Variants in KIF3B observed in about 807,000 individuals in gnomAD.
KIF3B encodes kinesin-like protein KIF3B.
A neutral mutation model predicts 74.3 loss-of-function variants in KIF3B; 38 were observed. That is an observed-to-expected ratio of 0.51 (90% CI 0.39 to 0.67). The LOEUF (loss-of-function observed/expected upper bound fraction) is 0.67, where lower values mean the gene tolerates loss of function less well. Among genes scored for constraint, KIF3B ranks in the 30% least tolerant of loss-of-function variants. The pLI, the probability that KIF3B is intolerant of heterozygous loss-of-function variation, is 0.00. For missense variants in KIF3B, 649 were observed against 932.0 expected, an observed-to-expected ratio of 0.70 and a Z score of 3.95; for synonymous variants, 326 against 342.5, an observed-to-expected ratio of 0.95 and a Z score of 0.53.
chr20:32,303,066 ATTC>A lies in KIF3B; in HGVS notation c.-65-6640_-65-6638del, dbSNP rs546506777. On this transcript the variant is annotated intron_variant, in intron 1 of 8. Transcript: ENST00000375712. Reference sequence around the variant, plus strand: ...TTTATGTGTGGTGTGGCTCAAGACAATTCTTCTTCCAGTGTGGCCCAAGGAAGC... The same window carrying A: ...TTTATGTGTGGTGTGGCTCAAGACAATTCTTCCAGTGTGGCCCAAGGAAGC... 1.5e-4 allele frequency among the ~76,000 whole-genome samples: 23 copies of A among 152,228 alleles called. No individual in the cohort carries two copies. The East Asian group carries it at 4.2e-3, about 28-fold the overall frequency.
At chr20:32,318,406 A>G (rs778802001) in intron 5 of KIF3B, among the ~76,000 whole-genome samples, 3 of 152,222 alleles carry the variant, frequency 2.0e-5, no homozygotes, top group Non-Finnish European at 4.4e-5. Flanking sequence ...CTAATTTTAG[A>G]ACATTTTTAT....
At chr20:32,321,248 GT>G (rs1012887396) in intron 5 of KIF3B, among the ~76,000 whole-genome samples, 10 of 152,050 alleles carry the variant, frequency 6.6e-5, no homozygotes, top group African/African-American at 2.2e-4. Context: ...GGCCAATATG[GT>G]GAAACCCTGT....
chr20:32,323,100 ATT>A (rs1336159168), intron 5 of KIF3B, among the ~76,000 whole-genome samples: 3 of 101,598 alleles, frequency 3.0e-5, no homozygotes, highest in African/African-American at 1.1e-4. Context: ...ATATTTATAT[ATT>A]TATATATATT....
chr20:32,307,284 A>T (rs2047776247), intron 1 of KIF3B, among the ~76,000 whole-genome samples: 2 of 152,166 alleles, frequency 1.3e-5, no homozygotes. Flanking sequence ...TCCATTTTTC[A>T]CACTATGTAA....
At chr20:32,278,860 C>T (rs923396838) in intron 1 of KIF3B, among the ~76,000 whole-genome samples, 3 of 150,422 alleles carry the variant, frequency 2.0e-5, no homozygotes, top group Non-Finnish European at 3.0e-5. Context: ...ATGTCATCCT[C>T]ATTTTGCCGA....
chr20:32,321,837 T>C (rs1054864464), intron 5 of KIF3B, among the ~76,000 whole-genome samples: 2 of 152,222 alleles, frequency 1.3e-5, no homozygotes, highest in African/African-American at 2.4e-5. Context: ...TCTTAAAGTC[T>C]ATACTTTTTG....
At chr20:32,304,430 A>T (rs947368106) in intron 1 of KIF3B, among the ~76,000 whole-genome samples, 1 of 152,204 alleles carries the variant, frequency 6.6e-6, no homozygotes, top group Non-Finnish European at 1.5e-5. Flanking sequence ...ATATCCTTTG[A>T]TTCAGCAATT....
intron 1 of KIF3B, among the ~76,000 whole-genome samples, chr20:32,283,919 C>CACAGCACCT (rs2047655590): frequency 6.6e-6 from 1 of 151,872 alleles, no homozygotes. Context: ...AGGCATGAGC[C>CACAGCACCT]GCTAATTTTT....
chr20:32,324,079 A>G (rs564465157), intron 5 of KIF3B, among the ~76,000 whole-genome samples: 14 of 151,524 alleles, frequency 9.2e-5, no homozygotes, highest in Non-Finnish European at 2.1e-4. Context: ...ACTGCATTCC[A>G]GTCTGGGTGA....
At chr20:32,315,038 T>C (rs930163343) in intron 2 of KIF3B, among the ~76,000 whole-genome samples, 5 of 152,170 alleles carry the variant, frequency 3.3e-5, no homozygotes, top group Non-Finnish European at 1.5e-5. Flanking sequence ...TCAGGGTCTC[T>C]TGGACTCATC....
chr20:32,304,634 A>G (rs1600425831), intron 1 of KIF3B, among the ~76,000 whole-genome samples: 1 of 152,182 alleles, frequency 6.6e-6, no homozygotes, highest in Non-Finnish European at 1.5e-5. Flanking sequence ...TTACCGAAGG[A>G]ATGAACTCCA....
In KIF3B at chr20:32,310,541, C is replaced by G; in HGVS notation, c.764C>G (p.Thr255Ser). ...DLAGSERQAK[T>S]GAQGERLKEA... is the part of the protein sequence containing the mutation. ...GCTGGCAGCGAACGGCAAGCCAAGA[C>G]CGGCGCACAAGGGGAGAGATTAAAA... The change falls in exon 2 of 9, where the codon ACC becomes AGC. Residue 255 changes from threonine to serine, a missense_variant. By Grantham distance (58) the Thr-to-Ser change is moderately conservative (BLOSUM62 1). Transcript: ENST00000375712. This position sits in a 1 kb window ranked among gnomAD's most constrained non-coding sequence, Gnocchi z 6.5. 1 of 1,614,046 alleles carries G rather than the reference C, an allele frequency of 6.2e-7. No homozygotes were observed. The highest frequency in any genetic ancestry group is 8.5e-7 in the Non-Finnish European group (1 of 1,180,038).
intron 1 of KIF3B, among the ~76,000 whole-genome samples, chr20:32,291,146 C>T (rs776953967): frequency 1.3e-5 from 2 of 152,056 alleles, no homozygotes; most frequent in Non-Finnish European, 2.9e-5. Context: ...AAAGTTTCAG[C>T]TTTGCAAGAT....
At chr20:32,285,749 T>C (rs2047664830) in intron 1 of KIF3B, among the ~76,000 whole-genome samples, 1 of 152,182 alleles carries the variant, frequency 6.6e-6, no homozygotes, top group African/African-American at 2.4e-5. Context: ...TTGGGTGATA[T>C]TTTGTTCTTT....
intron 2 of KIF3B, among the ~76,000 whole-genome samples, chr20:32,314,827 C>T (rs1233575057): frequency 6.6e-6 from 1 of 152,150 alleles, no homozygotes; most frequent in Non-Finnish European, 1.5e-5. Flanking sequence ...GCCATCCAGG[C>T]CCATTGTATG....
intron 5 of KIF3B, among the ~76,000 whole-genome samples, chr20:32,325,615 T>C (rs1392704787): frequency 1.3e-5 from 2 of 151,312 alleles, no homozygotes; most frequent in African/African-American, 2.4e-5. Context: ...TATTTTTTTT[T>C]CTAAGGAGTC....
At position 32,310,632 on chromosome 20, in the gene KIF3B, C is replaced by G. The variant is rs1160733980; in HGVS notation, c.855C>G (p.Gly285=). The change falls in exon 2 of 9, where the codon GGC becomes GGG. Residue 285 remains glycine, a synonymous_variant. Coordinates refer to ENST00000375712, the MANE Select transcript of KIF3B (RefSeq NM_004798.4). The surrounding 1 kb of genome is among the most constrained non-coding windows in gnomAD (Gnocchi z 6.5). ...ATGTCATCTCTGCTCTAGTGGACGG[C>G]AAAAGCACTCACATTCCATATCGGG... ...LGNVISALVD[G]KSTHIPYRDS... is the part of the protein sequence containing the mutation. The G allele has an allele frequency of 6.2e-7, 1 of 1,614,002 alleles. No individual in the cohort carries two copies. The highest frequency in any genetic ancestry group is 8.5e-7 in the Non-Finnish European group (1 of 1,180,038).
At position 32,316,846 on chromosome 20, in the gene KIF3B, A is replaced by G. The variant is rs1226635950; in HGVS notation, c.1720A>G (p.Asn574Asp). The G allele has an allele frequency of 2.5e-6, 4 of 1,614,018 alleles. No individual in the cohort carries two copies. The Admixed American group carries it at 5.0e-5, about 20-fold the overall frequency. The change falls in exon 5 of 9, where the codon AAT (asparagine) becomes GAT (aspartate). Residue 574 changes from asparagine (N) to aspartate (D), a missense_variant. This residue lies in a region of KIF3B where 363 missense variants were observed against 592.8 expected (regional missense o/e 0.61). Transcript: ENST00000375712. ...KERQELEQTQ[N>D]ELTRELKLKH... ...GCGCCAAGAGCTAGAGCAGACTCAG[A>G]ATGAGCTCACCAGGGAGCTGAAACT... is the stretch of plus-strand genomic sequence containing the variant.
intron 8 of KIF3B, among the ~76,000 whole-genome samples, 195 bp from the exon 9 acceptor site, chr20:32,331,028 A>G (rs1008702313): frequency 6.6e-6 from 1 of 152,200 alleles, no homozygotes; most frequent in Admixed American, 6.5e-5. Flanking sequence ...TCCTTCTCTC[A>G]GGTTCCACAC....
Sources: allele counts gnomAD v4.1 joint callset (sites outside exome capture counted in the v4.1 genomes callset), GRCh38; gene constraint gnomAD v4.1.1; regional missense constraint gnomAD v4.1.1; non-coding constraint Gnocchi (gnomAD v3.1); transcripts MANE v1.5; gene names NCBI Gene and HGNC (gene_info 2026-07-23, HGNC 2026-07-21).